The following MCCC1 variants were observed in gnomAD, a reference collection of about 807,000 sequenced individuals.
MCCC1 encodes the protein methylcrotonyl-CoA carboxylase subunit 1.
A neutral mutation model predicts 83.8 loss-of-function variants in MCCC1; 64 were observed. The observed-to-expected ratio is 0.76, with a 90% CI of 0.62 to 0.94. MCCC1 has a LOEUF of 0.94. MCCC1 is among the 40% of genes least tolerant of loss of function. The pLI, the probability that MCCC1 is intolerant of heterozygous loss-of-function variation, is 0.00. For missense variants in MCCC1, 807 were observed against 904.7 expected (o/e 0.89, Z 1.39); for synonymous variants, 322 against 315.4 (o/e 1.02, Z -0.22).
chr3:183,047,642 TA>T (rs1714652776), intron 9 of MCCC1, among the ~76,000 whole-genome samples: 1 of 140,624 alleles, frequency 7.1e-6, no homozygotes, highest in South Asian at 2.3e-4. Context: ...TAAGAAAGAA[TA>T]AAAAGGAAAT....
intron 13 of MCCC1, 26 bp from the exon 14 acceptor site, chr3:183,034,103 C>T (rs370196669): frequency 1.4e-6 from 2 of 1,456,960 alleles, no homozygotes; most frequent in Non-Finnish European, 9.6e-7. Context: ...AATTCAGTAA[C>T]AAACTTATGA....
At chr3:183,049,360 A>G (rs1714782554) in intron 9 of MCCC1, among the ~76,000 whole-genome samples, 1 of 152,124 alleles carries the variant, frequency 6.6e-6, no homozygotes, top group Non-Finnish European at 1.5e-5. Flanking sequence ...TCAAAAGGTC[A>G]AGAGATCAAG....
intron 1 of MCCC1, among the ~76,000 whole-genome samples, chr3:183,107,690 A>G (rs772639205): frequency 4.0e-5 from 6 of 149,952 alleles, no homozygotes; most frequent in Non-Finnish European, 7.4e-5. Flanking sequence ...TTACAGGCGC[A>G]TGCCACCACG....
At chr3:183,069,572 G>T (rs1278257814) in intron 7 of MCCC1, among the ~76,000 whole-genome samples, 7 of 152,110 alleles carry the variant, frequency 4.6e-5, no homozygotes, top group Non-Finnish European at 8.8e-5. Context: ...CAATTTGGGG[G>T]TCTTCTCTAA....
intron 18 of MCCC1, chr3:183,017,026 C>T (rs1711694878): frequency 1.8e-6 from 1 of 547,936 alleles, no homozygotes; most frequent in Admixed American, 3.1e-5. Context: ...TCGCCTGATT[C>T]CAAGCTATTG....
chr3:183,104,689 A>C (rs1442444810), intron 1 of MCCC1, among the ~76,000 whole-genome samples: 1 of 152,232 alleles, frequency 6.6e-6, no homozygotes, highest in African/African-American at 2.4e-5. Flanking sequence ...ACAGAATAGA[A>C]AAAGTAAGCA....
chr3:183,038,311 G>C lies in MCCC1; in HGVS notation c.1377+715C>G, dbSNP rs184732825. Among the ~76,000 whole-genome samples the C allele has an allele frequency of 9.7e-4, 147 of 152,310 alleles. 2 individuals are homozygous for C. The highest frequency in any genetic ancestry group is 3.4e-3 in the African/African-American group (140 of 41,560). On this transcript the variant is annotated intron_variant, in intron 12 of 18. Transcript: ENST00000265594. ...AAAGGGCTCAGAGCAGGAGAGCAGG[G>C]TAGTCAGGAGGGAGCCCTGCAATCA... is the stretch of plus-strand genomic sequence containing the variant.
At chr3:183,038,931 A>G in intron 12 of MCCC1, 95 bp downstream of exon 12, 1 of 1,101,710 alleles carries the variant, frequency 9.1e-7, no homozygotes, top group South Asian at 1.3e-5. Context: ...AATAGAAAAT[A>G]TGCTGACGAG....
intron 11 of MCCC1, 54 bp from the exon 12 acceptor site, chr3:183,039,189 T>C (rs539798971): frequency 1.3e-6 from 2 of 1,500,946 alleles, no homozygotes; most frequent in South Asian, 2.3e-5. Flanking sequence ...AGGAATAAAA[T>C]ACAACGAGCA....
At chr3:183,073,034 G>A (rs2108529523) in intron 4 of MCCC1, among the ~76,000 whole-genome samples, 2 of 152,278 alleles carry the variant, frequency 1.3e-5, no homozygotes, top group Middle Eastern at 3.4e-3. Context: ...TTTTAAGGTT[G>A]AATAATATCC....
chr3:183,033,539 C>A (rs1316469283), intron 14 of MCCC1, among the ~76,000 whole-genome samples: 1 of 152,140 alleles, frequency 6.6e-6, no homozygotes, highest in African/African-American at 2.4e-5. Context: ...CACCTGAAAC[C>A]CCTGAAACAC....
intron 9 of MCCC1, among the ~76,000 whole-genome samples, chr3:183,048,863 A>G (rs1714749633): frequency 6.6e-6 from 1 of 152,204 alleles, no homozygotes; most frequent in African/African-American, 2.4e-5. Context: ...ACCACATCTT[A>G]ACAAATTTAA....
At chr3:183,059,693 T>C (rs917189252) in intron 7 of MCCC1, among the ~76,000 whole-genome samples, 1 of 152,236 alleles carries the variant, frequency 6.6e-6, no homozygotes, top group African/African-American at 2.4e-5. Flanking sequence ...ACAGGTCTAC[T>C]GGTGACAAAG....
rs548169719 is a variant in MCCC1 at position 183,037,559 on chromosome 3, C to T, written c.1378-125G>A. 1.8e-5 allele frequency: 15 copies of T among 847,552 alleles called. No individual in the cohort carries two copies. The African/African-American group carries it at 2.3e-4, about 13-fold the overall frequency. The allele number at this position is 847,552 out of a possible 1,614,324, so 52.5% of individuals were successfully genotyped here. A position where few individuals can be genotyped will look rare whatever the true frequency, so the allele number is the denominator to read the frequency against. ...ACTCTTAGGAAAAATAAAAAACCTA[C>T]TAAGGTACCATGTGGCAACAGGACA... On this transcript the variant is annotated intron_variant, in intron 12 of 18. Transcript: ENST00000265594.
At chr3:183,083,885 A>G (rs1309714976) in intron 4 of MCCC1, among the ~76,000 whole-genome samples, 2 of 152,250 alleles carry the variant, frequency 1.3e-5, no homozygotes, top group East Asian at 1.9e-4. Context: ...GCAGGGCAAG[A>G]AAGTTCTACT....
chr3:183,087,507 T>G (rs1214442863), intron 3 of MCCC1, among the ~76,000 whole-genome samples: 1 of 152,056 alleles, frequency 6.6e-6, no homozygotes, highest in Non-Finnish European at 1.5e-5. Flanking sequence ...ATAAATGCTG[T>G]AGGAGGAAGG....
intron 1 of MCCC1, chr3:183,099,069 G>T (rs1241156790): frequency 1.8e-6 from 1 of 564,568 alleles, no homozygotes; most frequent in Middle Eastern, 4.9e-4. Flanking sequence ...GACGGCGAGG[G>T]GAGCCTGGAG....
chr3:183,067,086 T>C (rs940982532), intron 7 of MCCC1, among the ~76,000 whole-genome samples: 1 of 152,256 alleles, frequency 6.6e-6, no homozygotes, highest in Non-Finnish European at 1.5e-5. Flanking sequence ...TACCAAGGCT[T>C]TGACTGGAAT....
At chr3:183,032,174 T>C (rs1483828920) in intron 14 of MCCC1, among the ~76,000 whole-genome samples, 1 of 152,218 alleles carries the variant, frequency 6.6e-6, no homozygotes, top group Non-Finnish European at 1.5e-5. Flanking sequence ...ATGAAAACTT[T>C]TTTTAATTCC....
Sources: allele counts gnomAD v4.1 joint callset (sites outside exome capture counted in the v4.1 genomes callset), GRCh38; gene constraint gnomAD v4.1.1; transcripts MANE v1.5; gene names NCBI Gene and HGNC (gene_info 2026-07-23, HGNC 2026-07-21).